Variants in SLC16A5 observed in about 807,000 individuals in gnomAD.
SLC16A5 encodes solute carrier family 16 member 5.
SLC16A5 carries 29 observed loss-of-function variants against 33.2 expected under a neutral mutation model. The ratio of observed to expected loss-of-function variants is 0.87; its 90% confidence interval spans 0.65 to 1.19. The LOEUF (loss-of-function observed/expected upper bound fraction) is 1.19. Ranked by LOEUF, SLC16A5 falls within the 50% of genes most tolerant of loss-of-function variation. The pLI is 0.00. For synonymous variants in SLC16A5, 248 were observed against 284.1 expected, an observed-to-expected ratio of 0.87 and a Z score of 1.28; for missense variants, 606 against 678.2, an observed-to-expected ratio of 0.89 and a Z score of 1.18.
At chr17:75,107,690 G>A (rs1451875912), downstream of SLC16A5, among the ~76,000 whole-genome samples, 1 of 152,210 alleles carries the variant, frequency 6.6e-6, no homozygotes, top group Non-Finnish European at 1.5e-5. Context: ...TGTAATCCCA[G>A]CACTTTGGGA....
intron 3 of SLC16A5, among the ~76,000 whole-genome samples, chr17:75,094,477 G>A (rs568709370): frequency 7.6e-4 from 116 of 152,224 alleles, no homozygotes; most frequent in African/African-American, 2.6e-3. Flanking sequence ...ACCTGAGGTC[G>A]GGAGTTTGAG....
intron 3 of SLC16A5, among the ~76,000 whole-genome samples, chr17:75,097,085 CA>C (rs1326694281): frequency 6.6e-6 from 1 of 152,026 alleles, no homozygotes; most frequent in Non-Finnish European, 1.5e-5. Flanking sequence ...CTCGGCCTCC[CA>C]AAGTACTGGG....
At chr17:75,093,879 G>T in intron 3 of SLC16A5, 44 bp downstream of exon 3, 8 of 1,583,674 alleles carry the variant, frequency 5.1e-6, no homozygotes, top group Non-Finnish European at 6.0e-6. Context: ...CCTAGGGGTT[G>T]CGGGGAAGCC....
downstream of SLC16A5, among the ~76,000 whole-genome samples, chr17:75,109,320 C>T (rs1388862672): frequency 1.3e-5 from 2 of 152,158 alleles, no homozygotes; most frequent in African/African-American, 4.8e-5. This position sits in a 1 kb window ranked among gnomAD's most constrained non-coding sequence, Gnocchi z 5.0. Flanking sequence ...CCAGAGGTGG[C>T]GGACCCACCT....
At chr17:75,107,720 C>T (rs888109285), downstream of SLC16A5, among the ~76,000 whole-genome samples, 7 of 152,212 alleles carry the variant, frequency 4.6e-5, no homozygotes, top group Non-Finnish European at 7.3e-5. Flanking sequence ...GGGTGGATCA[C>T]GAGGTCAGGA....
intron 3 of SLC16A5, among the ~76,000 whole-genome samples, chr17:75,094,281 T>C (rs1432038244): frequency 6.6e-6 from 1 of 152,184 alleles, no homozygotes; most frequent in African/African-American, 2.4e-5. Context: ...ACCACTGTCT[T>C]CCCTGGAGGT....
At chr17:75,102,611 C>T (rs995563197) in intron 5 of SLC16A5, among the ~76,000 whole-genome samples, 3 of 152,146 alleles carry the variant, frequency 2.0e-5, no homozygotes, top group Non-Finnish European at 2.9e-5. Context: ...CCCTCGGTAC[C>T]GGGGAGCAGT....
intron 6 of SLC16A5, chr17:75,105,154 G>A (rs973600509): frequency 2.0e-6 from 2 of 985,272 alleles, no homozygotes; most frequent in Non-Finnish European, 2.4e-6. Flanking sequence ...GTTGAGTGGC[G>A]CGCCCATCCT....
intron 3 of SLC16A5, among the ~76,000 whole-genome samples, 182 bp from the exon 4 acceptor site, chr17:75,097,855 AG>A: frequency 6.6e-6 from 1 of 152,128 alleles, no homozygotes; most frequent in Non-Finnish European, 1.5e-5. Flanking sequence ...AGGCACGGAG[AG>A]GGATCAGGCT....
At chr17:75,109,066 G>C (rs2073885170), downstream of SLC16A5, among the ~76,000 whole-genome samples, 4 of 152,178 alleles carry the variant, frequency 2.6e-5, no homozygotes, top group Admixed American at 6.5e-5. This position sits in a 1 kb window ranked among gnomAD's most constrained non-coding sequence, Gnocchi z 5.0. Flanking sequence ...AATGCGATGG[G>C]AGTGTGGCTA....
rs1239971468 is a variant in SLC16A5, at chr17:75,100,023, C to T, written c.360C>T (p.Phe120=). ...AGFITGLGMC[F]SFQSSITVLG... ...GCCCCGCAGGCCTGGGCATGTGCTTCAGCTTCCAGTCAAGCATCACGGTGC... is the reference window on the plus strand; with the variant it reads ...GCCCCGCAGGCCTGGGCATGTGCTTTAGCTTCCAGTCAAGCATCACGGTGC... The change falls in exon 5 of 7, where the codon TTC becomes TTT. Residue 120 remains phenylalanine (F), a synonymous_variant. Transcript: ENST00000329783. 1.9e-6 allele frequency: 3 copies of T among 1,611,190 alleles called. No homozygotes were observed. Among genetic ancestry groups the T allele is most frequent in the Admixed American group, 3.3e-5 (2 of 59,954 alleles).
chr17:75,089,954 C>G (rs886965771), intron 2 of SLC16A5: 2 of 151,904 alleles, frequency 1.3e-5, no homozygotes, highest in African/African-American at 4.9e-5. Flanking sequence ...ACTGAAATTA[C>G]TCACTACCTT....
At position 75,093,940 on chromosome 17, in the gene SLC16A5, C is replaced by T. The variant is rs754903940; in HGVS notation, c.199+105C>T. 382 of 1,467,654 alleles carry T rather than the reference C, an allele frequency of 2.6e-4. 1 individual carries two copies. The highest frequency in any genetic ancestry group is 3.2e-4 in the Non-Finnish European group (350 of 1,096,704). 90.9% of individuals were successfully genotyped at this position (1,467,654 alleles called of 1,614,324 possible). ...CTCTCTCTGAGGCCACAGGCTTTGC[C>T]TCCTGGGTGAATTCCTAAGGTTTCA... is the stretch of plus-strand genomic sequence containing the variant. On this transcript the variant is annotated intron_variant, in intron 3 of 6. Coordinates refer to ENST00000329783, the MANE Select transcript of SLC16A5 (RefSeq NM_004695.4).
At chr17:75,101,935 A>T (rs1295024195) in intron 5 of SLC16A5, among the ~76,000 whole-genome samples, 3 of 152,008 alleles carry the variant, frequency 2.0e-5, no homozygotes, top group Non-Finnish European at 4.4e-5. Context: ...GCGCCTGGCC[A>T]CTTCCTTTTT....
chr17:75,105,745 G>C, intron 6 of SLC16A5, 135 bp from the exon 7 acceptor site: 1 of 1,410,252 alleles, frequency 7.1e-7, no homozygotes, highest in Non-Finnish European at 9.3e-7. Flanking sequence ...AACAGAGCTG[G>C]AGTACGTTTC....
Sources: gnomAD v4.1 joint callset for allele counts (sites outside exome capture counted in the v4.1 genomes callset) on GRCh38, gnomAD v4.1.1 for gene constraint, Gnocchi (gnomAD v3.1) non-coding constraint, MANE v1.5 for transcripts, NCBI Gene and HGNC (gene_info 2026-07-23, HGNC 2026-07-21) for gene names.